The following PLXDC2 variants were observed in gnomAD, a reference collection of about 807,000 sequenced individuals.
The protein encoded by PLXDC2 is plexin domain containing 2, also known as plexin domain-containing protein 2.
PLXDC2 carries 40 observed loss-of-function variants against 68.9 expected under a neutral mutation model. That is an observed-to-expected ratio of 0.58 (90% CI 0.45 to 0.76). PLXDC2 has a LOEUF of 0.76. PLXDC2 is among the 30% of genes least tolerant of loss of function. The pLI, the probability that PLXDC2 is intolerant of heterozygous loss-of-function variation, is 0.00. For missense variants in PLXDC2, 644 were observed against 661.9 expected, an observed-to-expected ratio of 0.97 and a Z score of 0.30; for synonymous variants, 243 against 234.2, an observed-to-expected ratio of 1.04 and a Z score of -0.34.
intron 13 of PLXDC2, 133 bp from the exon 14 acceptor site, chr10:20,279,570 G>C: frequency 1.4e-6 from 1 of 704,684 alleles, no homozygotes; most frequent in Non-Finnish European, 2.4e-6. Flanking sequence ...AATTCTGACT[G>C]TAGCTATAAT....
At chr10:19,820,297 T>A (rs114762629) in intron 1 of PLXDC2, among the ~76,000 whole-genome samples, 6,333 of 152,182 alleles carry the variant, frequency 0.042, 150 homozygotes, top group Middle Eastern at 0.085. Context: ...TCCAGACAGG[T>A]TTCTTCACTG....
At chr10:20,115,582 T>C (rs1272916224) in intron 4 of PLXDC2, among the ~76,000 whole-genome samples, 2 of 152,196 alleles carry the variant, frequency 1.3e-5, no homozygotes, top group Non-Finnish European at 2.9e-5. Context: ...TTAATAGTCA[T>C]ACTTACCCGG....
At chr10:20,150,824 T>G (rs527375722) in intron 6 of PLXDC2, among the ~76,000 whole-genome samples, 1 of 152,298 alleles carries the variant, frequency 6.6e-6, no homozygotes, top group African/African-American at 2.4e-5. Flanking sequence ...AATTCTTCCT[T>G]TTCTCTGTTC....
chr10:20,176,891 A>T, intron 7 of PLXDC2, 108 bp from the exon 8 acceptor site: 1 of 737,910 alleles, frequency 1.4e-6, no homozygotes, highest in Non-Finnish European at 2.2e-6. Context: ...GCTTAATTTT[A>T]AAACCACATT....
intron 12 of PLXDC2, among the ~76,000 whole-genome samples, chr10:20,229,793 C>G (rs893942052): frequency 5.9e-5 from 9 of 152,082 alleles, no homozygotes; most frequent in African/African-American, 1.7e-4. Context: ...TTATCTGAAA[C>G]TAATTTGTAA....
chr10:20,106,333 T>A (rs1023639859), intron 4 of PLXDC2, among the ~76,000 whole-genome samples: 2 of 152,182 alleles, frequency 1.3e-5, no homozygotes, highest in Admixed American at 1.3e-4. Flanking sequence ...ATGAGGTTGG[T>A]CTGGGCTGTG....
At chr10:20,082,064 CAAAAAA>C (rs1252447303) in intron 4 of PLXDC2, among the ~76,000 whole-genome samples, 5 of 70,160 alleles carry the variant, frequency 7.1e-5, no homozygotes, top group Non-Finnish European at 1.0e-4. Flanking sequence ...AAAAAAAAAT[CAAAAAA>C]AAAAAACAGG....
intron 4 of PLXDC2, among the ~76,000 whole-genome samples, chr10:20,077,194 A>G (rs923460195): frequency 1.3e-5 from 2 of 152,154 alleles, no homozygotes; most frequent in African/African-American, 4.8e-5. Flanking sequence ...TAACAACCCA[A>G]TTAAAAAATG....
chr10:19,878,079 G>C (rs1480317521), intron 1 of PLXDC2, among the ~76,000 whole-genome samples: 2 of 152,148 alleles, frequency 1.3e-5, no homozygotes, highest in Non-Finnish European at 2.9e-5. Context: ...TTGAAAATAA[G>C]TAAGAATGAC....
chr10:19,930,208 T>C (rs1400702001), intron 1 of PLXDC2, among the ~76,000 whole-genome samples: 1 of 152,206 alleles, frequency 6.6e-6, no homozygotes. Flanking sequence ...GATTATTTCA[T>C]TAAGAAACTG....
At chr10:19,860,956 C>A (rs1415704584) in intron 1 of PLXDC2, among the ~76,000 whole-genome samples, 1 of 151,890 alleles carries the variant, frequency 6.6e-6, no homozygotes, top group Admixed American at 6.6e-5. Flanking sequence ...TCCCATCTTC[C>A]TAGCCCCAAG....
At chr10:19,949,181 G>A (rs1459463485) in intron 1 of PLXDC2, among the ~76,000 whole-genome samples, 4 of 138,258 alleles carry the variant, frequency 2.9e-5, no homozygotes, top group Admixed American at 7.2e-5. Context: ...ACATTTTAAA[G>A]CTATTTTAAT....
intron 1 of PLXDC2, among the ~76,000 whole-genome samples, chr10:19,986,314 C>G (rs1304630318): frequency 6.6e-6 from 1 of 151,950 alleles, no homozygotes; most frequent in Non-Finnish European, 1.5e-5. Flanking sequence ...TGAATCCAAG[C>G]TTAGAAACTG....
chr10:20,263,500 G>A (rs1835834705), intron 13 of PLXDC2, among the ~76,000 whole-genome samples: 1 of 152,128 alleles, frequency 6.6e-6, no homozygotes, highest in African/African-American at 2.4e-5. Flanking sequence ...AGCAAAAATT[G>A]GCAAATGGGA....
intron 1 of PLXDC2, among the ~76,000 whole-genome samples, chr10:19,820,745 G>A (rs1221477732): frequency 6.6e-6 from 1 of 152,110 alleles, no homozygotes; most frequent in Non-Finnish European, 1.5e-5. Context: ...TTTTAAAGAG[G>A]AATGAGTTGA....
intron 1 of PLXDC2, among the ~76,000 whole-genome samples, chr10:19,991,717 A>G (rs1461183659): frequency 6.6e-6 from 1 of 152,208 alleles, no homozygotes; most frequent in Non-Finnish European, 1.5e-5. Flanking sequence ...TGAGTCTATC[A>G]GAGTCTATCA....
intron 1 of PLXDC2, among the ~76,000 whole-genome samples, chr10:19,895,408 T>G (rs774424071): frequency 9.9e-5 from 15 of 152,208 alleles, no homozygotes; most frequent in Non-Finnish European, 1.5e-5. Flanking sequence ...AATTTCCCAG[T>G]AGCCGTATAT....
chr10:20,124,976 G>C (rs2131766784), intron 4 of PLXDC2, among the ~76,000 whole-genome samples: 1 of 152,172 alleles, frequency 6.6e-6, no homozygotes, highest in South Asian at 2.1e-4. Flanking sequence ...GGGTAATATA[G>C]TGGCAGACTA....
intron 1 of PLXDC2, among the ~76,000 whole-genome samples, chr10:19,948,803 T>G (rs1833946950): frequency 6.6e-6 from 1 of 152,150 alleles, no homozygotes; most frequent in Non-Finnish European, 1.5e-5. Context: ...ATATTATGTT[T>G]CATTAAATAA....
Sources: allele counts gnomAD v4.1 joint callset (sites outside exome capture counted in the v4.1 genomes callset), GRCh38; gene constraint gnomAD v4.1.1; transcripts MANE v1.5; gene names NCBI Gene and HGNC (gene_info 2026-07-23, HGNC 2026-07-21).